Variants in PRR14L observed in about 807,000 individuals in gnomAD.
The protein encoded by PRR14L is protein PRR14L.
PRR14L carries 80 observed loss-of-function variants against 155.0 expected under a neutral mutation model. That is an observed-to-expected ratio of 0.52 (90% confidence interval 0.43 to 0.62). PRR14L has a LOEUF of 0.62. PRR14L is among the 20% of genes least tolerant of loss of function. PRR14L has a pLI of 0.00. For missense variants in PRR14L, 2,469 were observed against 2,548.0 expected (o/e 0.97, Z 0.67); for synonymous variants, 883 against 916.0 (o/e 0.96, Z 0.65).
At chr22:31,696,976 G>T (rs1457931186) in intron 7 of PRR14L, among the ~76,000 whole-genome samples, 3 of 152,110 alleles carry the variant, frequency 2.0e-5, no homozygotes. Context: ...TTAGCTGGGT[G>T]TGGTGGCGTG....
intron 3 of PRR14L, among the ~76,000 whole-genome samples, chr22:31,722,258 C>T (rs916213181): frequency 1.3e-5 from 2 of 151,222 alleles, no homozygotes; most frequent in South Asian, 2.1e-4. Flanking sequence ...GGTAAAACTC[C>T]GTCTCTACTA....
At chr22:31,706,959 G>C (rs905229372) in intron 4 of PRR14L, among the ~76,000 whole-genome samples, 1 of 152,044 alleles carries the variant, frequency 6.6e-6, no homozygotes, top group Non-Finnish European at 1.5e-5. Flanking sequence ...TGAGGCAGGA[G>C]AATCGCTTGA....
At chr22:31,718,127 C>T (rs912316112) in intron 3 of PRR14L, among the ~76,000 whole-genome samples, 1 of 151,902 alleles carries the variant, frequency 6.6e-6, no homozygotes, top group African/African-American at 2.4e-5. Context: ...GGAGTTTCAC[C>T]ATGTTGGCCA....
rs12166752 is a variant in PRR14L at position 31,685,264 on chromosome 22, G to A, written c.*263C>T. On this transcript the variant is annotated 3_prime_UTR_variant, in exon 9 of 9. Transcript: ENST00000327423. ...GAGACTGAGGAGGTGGCTGGATGTC[G>A]TTCAGGTCCATTTCCAGGAGAAAGG... is the stretch of plus-strand genomic sequence containing the variant. 3,019 of 374,902 alleles carry A rather than the reference G, an allele frequency of 8.1e-3. 79 individuals carry two copies. The highest frequency in any genetic ancestry group is 0.054 in the African/African-American group (2,636 of 48,890). The allele number at this position is 374,902 out of a possible 1,614,324, so 23.2% of individuals were successfully genotyped here.
In PRR14L at chr22:31,715,773, C is replaced by T. The variant is rs2074655120; in HGVS notation, c.2066G>A (p.Ser689Asn). ...TCTACCCTCTAATGGAGGGTGATGG[C>T]TCTGATGGGCATCTCTGCCTGTTGC... ...PLATGRDAHQSHHPPLEGRAD... is the reference protein window; with the variant it reads ...PLATGRDAHQNHHPPLEGRAD... The change falls in exon 4 of 9, where the codon AGC becomes AAC. Residue 689 changes from serine to asparagine, a missense_variant. Around this residue, in one of 2 missense-constraint regions of PRR14L, gnomAD observed 2,363 missense variants for 2,371.6 expected, o/e 1.00. Coordinates refer to ENST00000327423, the MANE Select transcript of PRR14L (RefSeq NM_173566.3). 6.4e-7 allele frequency: 1 copy of T among 1,551,688 alleles called. No homozygotes were observed. Among genetic ancestry groups the T allele is most frequent in the Non-Finnish European group, 8.7e-7 (1 of 1,146,924 alleles).
rs972965343 is a variant in PRR14L, at chr22:31,682,759, G to A, written c.*2768C>T. 1.3e-5 allele frequency: 2 copies of A among 152,080 alleles called. No individual in the cohort carries two copies. Among genetic ancestry groups the A allele is most frequent in the Admixed American group, 6.6e-5 (1 of 15,244 alleles). The allele number at this position is 152,080 out of a possible 1,614,324, so 9.4% of individuals were successfully genotyped here. A position where few individuals can be genotyped will look rare whatever the true frequency, so the allele number is the denominator to read the frequency against. Reference sequence around the variant, plus strand: ...TAACTGTAACTTCCCACCACTTGGGGAGGGAAGTTCCCATACTCAGAAACT... The same window carrying A: ...TAACTGTAACTTCCCACCACTTGGGAAGGGAAGTTCCCATACTCAGAAACT... On this transcript the variant is annotated 3_prime_UTR_variant, in exon 9 of 9. Coordinates refer to ENST00000327423, the MANE Select transcript of PRR14L (RefSeq NM_173566.3).
Position 31,713,919 on chromosome 22 carries a change from T to C in PRR14L, c.3920A>G (p.Asn1307Ser), listed in dbSNP as rs1321025655. ...GTGAGGGTGACAAGCTTTGCAAGCA[T>C]TCTTTTCCACACAGGTACATACGCT... ...RDSVCTCVEKNACKACHPHEN... is the reference protein window; with the variant it reads ...RDSVCTCVEKSACKACHPHEN... The change falls in exon 4 of 9, where the codon AAT becomes AGT. Residue 1307 changes from asparagine to serine, a missense_variant. By Grantham distance (46) the Asn-to-Ser change is conservative. This residue lies in a region of PRR14L where 2,363 missense variants were observed against 2,371.6 expected (regional missense o/e 1.00). Transcript: ENST00000327423. The C allele has an allele frequency of 8.4e-6, 13 of 1,551,782 alleles. No homozygotes were observed. Among genetic ancestry groups the C allele is most frequent in the Non-Finnish European group, 1.0e-5 (12 of 1,147,020 alleles).
chr22:31,747,342 G>A (rs767559755), intron 1 of PRR14L, among the ~76,000 whole-genome samples: 2 of 136,798 alleles, frequency 1.5e-5, no homozygotes, highest in African/African-American at 2.8e-5. Flanking sequence ...TCAAACTCCC[G>A]ACCTCAGGTG....
intron 8 of PRR14L, among the ~76,000 whole-genome samples, chr22:31,687,355 T>C (rs939456926): frequency 2.0e-5 from 3 of 148,228 alleles, no homozygotes; most frequent in Non-Finnish European, 4.5e-5. Flanking sequence ...TTTTCTTTCT[T>C]CTTTTTTTTT....
chr22:31,716,051 C>T lies in PRR14L; in HGVS notation c.1788G>A (p.Leu596=). 6.4e-7 allele frequency: 1 copy of T among 1,550,766 alleles called. No individual in the cohort carries two copies. The highest frequency in any genetic ancestry group is 8.7e-7 in the Non-Finnish European group (1 of 1,146,958). Reference sequence around the variant, plus strand: ...AATCAAATTCTGGGGATGGTAGCAACAGAGCAGTACCTTGCTTGGGTTTTA... The same window carrying T: ...AATCAAATTCTGGGGATGGTAGCAATAGAGCAGTACCTTGCTTGGGTTTTA... ...EVLKPKQGTA[L]LLPSPEFDYR... is the part of the protein sequence containing the mutation. Residue 596 remains leucine (L), a synonymous_variant, in exon 4 of 9, where the codon CTG becomes CTA. Transcript: ENST00000327423.
rs1275532268 is a variant in PRR14L at position 31,712,866 on chromosome 22, CT to C, written c.4972del (p.Arg1658AspfsTer13). ...AKSYKRLRYK[R>X]LLDGFSSSTE... ...GCTGGATGAAAATCCGTCCAGGAGTCTTTTATATCTGAGGCGCTTGTAGCTT... is the reference window on the plus strand; with the variant it reads ...GCTGGATGAAAATCCGTCCAGGAGTCTTTATATCTGAGGCGCTTGTAGCTT... On this transcript the variant is annotated frameshift_variant, in exon 4 of 9. Coordinates refer to ENST00000327423, the MANE Select transcript of PRR14L (RefSeq NM_173566.3). LOFTEE classifies it high-confidence loss of function. The C allele has an allele frequency of 6.4e-7, 1 of 1,551,944 alleles. No homozygotes were observed. The highest frequency in any genetic ancestry group is 2.4e-5 in the East Asian group (1 of 40,922).
chr22:31,694,203 G>A (rs912633501), intron 7 of PRR14L, among the ~76,000 whole-genome samples: 1 of 152,182 alleles, frequency 6.6e-6, no homozygotes, highest in Non-Finnish European at 1.5e-5. Flanking sequence ...CTTGAACTTG[G>A]TAGGCAGAGG....
At chr22:31,740,364 C>T (rs1256232143) in intron 1 of PRR14L, among the ~76,000 whole-genome samples, 1 of 152,166 alleles carries the variant, frequency 6.6e-6, no homozygotes, top group Non-Finnish European at 1.5e-5. Context: ...GGACTACAGG[C>T]GTGTGCCACC....
At chr22:31,740,422 G>A (rs567415884) in intron 1 of PRR14L, among the ~76,000 whole-genome samples, 1 of 152,178 alleles carries the variant, frequency 6.6e-6, no homozygotes, top group Admixed American at 6.5e-5. Flanking sequence ...GTTTCACCAC[G>A]TTGGCCAGGC....
At chr22:31,717,795 C>T (rs1363019160) in intron 3 of PRR14L, among the ~76,000 whole-genome samples, 1 of 152,044 alleles carries the variant, frequency 6.6e-6, no homozygotes, top group Non-Finnish European at 1.5e-5. Context: ...GAGTCTTGCT[C>T]TGTTGCCCAT....
chr22:31,686,351 G>A (rs370125865), intron 8 of PRR14L, among the ~76,000 whole-genome samples: 72 of 148,428 alleles, frequency 4.9e-4, no homozygotes, highest in Admixed American at 8.8e-4. Flanking sequence ...CTCATGATTC[G>A]CCCGCCTCGG....
rs374287319 is a variant in PRR14L at position 31,712,381 on chromosome 22, G to A, written c.5458C>T (p.Leu1820Phe). 3.7e-6 allele frequency: 6 copies of A among 1,609,382 alleles called. No homozygotes were observed. Among genetic ancestry groups the A allele is most frequent in the African/African-American group, 1.3e-5 (1 of 74,818 alleles). The stretch of plus-strand genomic sequence containing the variant: ...GAACAAAGTGCTAGAAGTGTGTGAA[G>A]GCCAAGGACAGAGCAGTCTGCTCTG... ...QTRADCSVLG[L>F]HTLLALCSPG... The change falls in exon 4 of 9, where the codon CTT (leucine) becomes TTT (phenylalanine). Residue 1820 changes from leucine to phenylalanine, a missense_variant. This residue lies in a region of PRR14L where 2,363 missense variants were observed against 2,371.6 expected (regional missense o/e 1.00). Transcript: ENST00000327423.
intron 4 of PRR14L, among the ~76,000 whole-genome samples, chr22:31,708,884 T>C (rs959278910): frequency 6.6e-6 from 1 of 152,118 alleles, no homozygotes; most frequent in African/African-American, 2.4e-5. Context: ...TGGAGTGCAA[T>C]GGTGCAATCT....
At position 31,701,682 on chromosome 22, in the gene PRR14L, G is replaced by A; in HGVS notation, c.6081C>T (p.Thr2027=). 6.2e-7 allele frequency: 1 copy of A among 1,613,432 alleles called. No homozygotes were observed. Among genetic ancestry groups the A allele is most frequent in the Non-Finnish European group, 8.5e-7 (1 of 1,179,642 alleles). Reference sequence around the variant, plus strand: ...TTTTGGGTCGAGGAAGGCCCATGGGGGTAAGATTAGGATCTGGCCTAGGAA... The same window carrying A: ...TTTTGGGTCGAGGAAGGCCCATGGGAGTAAGATTAGGATCTGGCCTAGGAA... ...KTIPRPDPNL[T]PMGLPRPKRL... The change falls in exon 7 of 9, where the codon ACC becomes ACT. Residue 2027 remains threonine, a synonymous_variant. Coordinates refer to ENST00000327423, the MANE Select transcript of PRR14L (RefSeq NM_173566.3).
Sources: gnomAD v4.1 joint callset for allele counts (sites outside exome capture counted in the v4.1 genomes callset) on GRCh38, gnomAD v4.1.1 for gene constraint, gnomAD v4.1.1 regional missense constraint, MANE v1.5 for transcripts, NCBI Gene and HGNC (gene_info 2026-07-23, HGNC 2026-07-21) for gene names.